Variants in EPCAM observed in about 807,000 individuals in gnomAD.
EPCAM encodes epithelial cell adhesion molecule.
A neutral mutation model predicts 40.0 loss-of-function variants in EPCAM; 39 were observed. The observed-to-expected ratio is 0.98, with a 90% confidence interval of 0.76 to 1.27. The LOEUF is 1.27. Ranked by LOEUF, EPCAM falls within the 50% of genes most tolerant of loss-of-function variation. The probability of loss-of-function intolerance (pLI) is 0.00; values close to 1 mark genes in which losing one functional copy is unlikely to be tolerated. For missense variants in EPCAM, 503 were observed against 381.2 expected (o/e 1.32, Z -2.66); for synonymous variants, 168 against 132.3 (o/e 1.27, Z -1.85).
intron 1 of EPCAM, chr2:47,369,954 G>A: frequency 8.0e-6 from 3 of 374,004 alleles, no homozygotes; most frequent in South Asian, 6.4e-5. Context: ...TTCCAAAACA[G>A]CCCCAGCCGG....
At chr2:47,378,105 C>A (rs532905648) in intron 5 of EPCAM, among the ~76,000 whole-genome samples, 6 of 151,982 alleles carry the variant, frequency 3.9e-5, no homozygotes, top group African/African-American at 1.4e-4. Flanking sequence ...GTGGTGGGCA[C>A]CTGTAGTCCC....
intron 8 of EPCAM, among the ~76,000 whole-genome samples, chr2:47,385,551 T>G (rs540209600): frequency 8.0e-4 from 122 of 152,340 alleles, no homozygotes; most frequent in Non-Finnish European, 1.4e-3. Flanking sequence ...ATTTATTATC[T>G]CTATGCCAGT....
intron 8 of EPCAM, 124 bp downstream of exon 8, chr2:47,385,334 G>C: frequency 1.2e-6 from 1 of 805,948 alleles, no homozygotes; most frequent in Non-Finnish European, 2.2e-6. Context: ...TGTCTTTAGG[G>C]TCTTAGGGAC....
At position 47,385,208 on chromosome 2, in the gene EPCAM, G is replaced by A. The variant is rs1437756815; in HGVS notation, c.901G>A (p.Glu301Lys). ...GAGAATGGCAAAGTATGAGAAGGCT[G>A]AGGTAAATGGATTACTTACCTAAAT... ...KKRMAKYEKAEIKEMGEMHRE... is the reference protein window; with the variant it reads ...KKRMAKYEKAKIKEMGEMHRE... Residue 301 changes from glutamate to lysine, a missense_variant and splice_region_variant, in exon 8 of 9, where the codon GAG (glutamate) becomes AAG (lysine). Physicochemically the swap from Glu to Lys is moderately conservative, Grantham distance 56 (BLOSUM62 1). Coordinates refer to ENST00000263735, the MANE Select transcript of EPCAM (RefSeq NM_002354.3). 1.9e-6 allele frequency: 3 copies of A among 1,611,840 alleles called. No individual in the cohort carries two copies. Among genetic ancestry groups the A allele is most frequent in the Non-Finnish European group, 2.5e-6 (3 of 1,178,104 alleles).
chr2:47,386,460 A>G (rs1268663075), intron 8 of EPCAM, 112 bp from the exon 9 acceptor site: 13 of 798,238 alleles, frequency 1.6e-5, no homozygotes, highest in East Asian at 5.4e-5. Context: ...TAAATGTGGG[A>G]AAAAATTATC....
At chr2:47,379,117 AATAT>A (rs1169658758) in intron 6 of EPCAM, 63 bp downstream of exon 6, 1 of 905,154 alleles carries the variant, frequency 1.1e-6, no homozygotes, top group East Asian at 2.4e-5. Flanking sequence ...CAATGAATTA[AATAT>A]ATTTCATCAC....
At chr2:47,373,064 G>T (rs1671318674) in intron 1 of EPCAM, among the ~76,000 whole-genome samples, 1 of 151,804 alleles carries the variant, frequency 6.6e-6, no homozygotes, top group Non-Finnish European at 1.5e-5. Flanking sequence ...AATTAGCCAG[G>T]CATGGTGGTG....
intron 7 of EPCAM, among the ~76,000 whole-genome samples, chr2:47,380,548 G>A (rs775288858): frequency 6.6e-6 from 1 of 152,106 alleles, no homozygotes; most frequent in South Asian, 2.1e-4. Context: ...GCGTCTTTCA[G>A]TTGTCACTGC....
rs1335312662 is a variant in EPCAM at position 47,377,019 on chromosome 2, T to C, written c.497T>C (p.Leu166Pro). 6.2e-7 allele frequency: 1 copy of C among 1,604,612 alleles called. No individual in the cohort carries two copies. Among genetic ancestry groups the C allele is most frequent in the Admixed American group, 1.7e-5 (1 of 59,984 alleles). Reference protein sequence around the residue: ...PYDSKSLRTALQKEITTRYQL... With the variant: ...PYDSKSLRTAPQKEITTRYQL... ...AGATTTTAAATTCTTTACAGTGCACTTCAGAAGGAGATCACAACGCGTTAT... is the reference window on the plus strand; with the variant it reads ...AGATTTTAAATTCTTTACAGTGCACCTCAGAAGGAGATCACAACGCGTTAT... The change falls in exon 5 of 9, where the codon CTT (leucine) becomes CCT (proline). Residue 166 changes from leucine (L) to proline (P), a missense_variant. Transcript: ENST00000263735.
At chr2:47,371,137 AC>A (rs1196503084) in intron 1 of EPCAM, among the ~76,000 whole-genome samples, 1 of 150,420 alleles carries the variant, frequency 6.6e-6, no homozygotes, top group Non-Finnish European at 1.5e-5. Flanking sequence ...GCATCACCAC[AC>A]CCGGCCTTAA....
At chr2:47,371,257 C>G (rs527844943) in intron 1 of EPCAM, among the ~76,000 whole-genome samples, 111 of 151,644 alleles carry the variant, frequency 7.3e-4, no homozygotes, top group Non-Finnish European at 7.4e-4. Flanking sequence ...TGGCTGCCGT[C>G]TCTCTCTCTC....
At chr2:47,383,755 T>C (rs770354161) in intron 7 of EPCAM, among the ~76,000 whole-genome samples, 85 of 149,246 alleles carry the variant, frequency 5.7e-4, no homozygotes, top group Non-Finnish European at 7.1e-4. Context: ...TTGCCTCAGC[T>C]TCCCAAGTAG....
chr2:47,381,195 G>A (rs954950363), intron 7 of EPCAM, among the ~76,000 whole-genome samples: 7 of 149,834 alleles, frequency 4.7e-5, no homozygotes, highest in Non-Finnish European at 8.9e-5. Context: ...TCGGGAGTTC[G>A]AGACCAGCCT....
At chr2:47,380,668 T>A (rs1305405241) in intron 7 of EPCAM, among the ~76,000 whole-genome samples, 2 of 152,218 alleles carry the variant, frequency 1.3e-5, no homozygotes, top group Admixed American at 6.5e-5. Context: ...AAAAGTGATA[T>A]GTGAATCAAT....
In EPCAM at chr2:47,369,587, G is replaced by T. The variant is rs774722931; in HGVS notation, c.76+6G>T. Reference sequence around the variant, plus strand: ...TTTTGCCGCAGCTCAGGAAGGTGAGGCGCGGATTGGAGCAGAGTTGTGGAG... The same window carrying T: ...TTTTGCCGCAGCTCAGGAAGGTGAGTCGCGGATTGGAGCAGAGTTGTGGAG... On this transcript the variant is annotated splice_donor_region_variant and intron_variant, in intron 1 of 8. Transcript: ENST00000263735. 268 of 1,587,762 alleles carry T rather than the reference G, an allele frequency of 1.7e-4. No individual in the cohort carries two copies. The Admixed American group carries it at 3.0e-3, about 18-fold the overall frequency.
intron 7 of EPCAM, among the ~76,000 whole-genome samples, chr2:47,382,362 C>T (rs940596919): frequency 6.6e-6 from 1 of 151,874 alleles, no homozygotes; most frequent in African/African-American, 2.4e-5. Flanking sequence ...AATAAGGAAG[C>T]ACATTGTTAT....
At chr2:47,383,190 C>T (rs1489982059) in intron 7 of EPCAM, 3 of 151,682 alleles carry the variant, frequency 2.0e-5, no homozygotes, top group Non-Finnish European at 2.9e-5. Flanking sequence ...CCTGTAATCC[C>T]AGCTACTTGG....
intron 4 of EPCAM, among the ~76,000 whole-genome samples, chr2:47,375,518 G>C (rs1413399202): frequency 1.3e-5 from 2 of 152,148 alleles, no homozygotes; most frequent in Non-Finnish European, 2.9e-5. Flanking sequence ...ATGTGTATGT[G>C]TGGATGAATA....
At position 47,373,219 on chromosome 2, in the gene EPCAM, A is replaced by C. The variant is rs796101767; in HGVS notation, c.77-244A>C. Among the ~76,000 whole-genome samples the C allele has an allele frequency of 0.017, 2,522 of 148,842 alleles. 100 individuals carry two copies. The highest frequency in any genetic ancestry group is 0.058 in the African/African-American group (2,339 of 40,308). On this transcript the variant is annotated intron_variant, in intron 1 of 8. Transcript: ENST00000263735. ...GACCCTATCTTTAAAAAAAAAAAAA[A>C]AAAAAAAAAAAAAAAACAGGAATGC...
Sources: gnomAD v4.1 joint callset for allele counts (sites outside exome capture counted in the v4.1 genomes callset) on GRCh38, gnomAD v4.1.1 for gene constraint, MANE v1.5 for transcripts, NCBI Gene and HGNC (gene_info 2026-07-23, HGNC 2026-07-21) for gene names.